The following SNTB1 variants were observed in gnomAD, a reference collection of about 807,000 sequenced individuals.
The protein encoded by SNTB1 is syntrophin beta 1.
A neutral mutation model predicts 48.9 loss-of-function variants in SNTB1; 36 were observed. The ratio of observed to expected loss-of-function variants is 0.74; its 90% CI spans 0.56 to 0.97. The LOEUF is 0.97. Ranked by LOEUF, SNTB1 falls within the 50% of genes least tolerant of loss-of-function variation. The pLI is 0.00. For missense variants in SNTB1, 786 were observed against 703.4 expected, an observed-to-expected ratio of 1.12 and a Z score of -1.33; for synonymous variants, 299 against 294.6, an observed-to-expected ratio of 1.01 and a Z score of -0.15.
chr8:120,730,807 C>T (rs1303269236), intron 1 of SNTB1, among the ~76,000 whole-genome samples: 3 of 152,058 alleles, frequency 2.0e-5, no homozygotes, highest in Admixed American at 6.6e-5. Context: ...TAGCACAGTG[C>T]CTGCCATGGG....
chr8:120,687,346 G>A (rs918849247), intron 2 of SNTB1, among the ~76,000 whole-genome samples: 9 of 152,184 alleles, frequency 5.9e-5, no homozygotes, highest in African/African-American at 1.9e-4. Context: ...CAAATCCACT[G>A]TTTCGTACTC....
At chr8:120,681,770 C>T (rs1266083095) in intron 2 of SNTB1, among the ~76,000 whole-genome samples, 1 of 152,264 alleles carries the variant, frequency 6.6e-6, no homozygotes, top group East Asian at 1.9e-4. Context: ...CAGTTGACAT[C>T]CCCCTCCCCA....
At chr8:120,807,647 G>C (rs1172389131) in intron 1 of SNTB1, among the ~76,000 whole-genome samples, 1 of 152,206 alleles carries the variant, frequency 6.6e-6, no homozygotes, top group Admixed American at 6.5e-5. Flanking sequence ...GACATTTAGT[G>C]CATTAGGTTT....
Position 120,605,935 on chromosome 8 carries a change from G to A in SNTB1, c.996+26509C>T, listed in dbSNP as rs140734635. ...AAAGGGGCCTGTTCTGGTGAGCCAT[G>A]ACCCTGCCAAGGTGGGAGGCTTGGC... On this transcript the variant is annotated intron_variant, in intron 3 of 6. Transcript: ENST00000517992. Among the ~76,000 whole-genome samples, 276 of 152,156 alleles carry A rather than the reference G, an allele frequency of 1.8e-3. 2 individuals are homozygous for A. The highest frequency in any genetic ancestry group is 6.4e-3 in the African/African-American group (265 of 41,502).
At chr8:120,756,839 T>C (rs982635459) in intron 1 of SNTB1, among the ~76,000 whole-genome samples, 4 of 152,074 alleles carry the variant, frequency 2.6e-5, no homozygotes, top group African/African-American at 9.7e-5. Context: ...AGTGCTGGGA[T>C]TGACATCTGA....
In SNTB1 at chr8:120,632,363, G is replaced by C. The variant is rs185734483; in HGVS notation, c.996+81C>G. Reference sequence around the variant, plus strand: ...CTGTGAATGAGAGAATCAGCCTATGGGATGAGATAGTTTTAGTGGTTATGA... The same window carrying C: ...CTGTGAATGAGAGAATCAGCCTATGCGATGAGATAGTTTTAGTGGTTATGA... On this transcript the variant is annotated intron_variant, in intron 3 of 6. Transcript: ENST00000517992. The C allele has an allele frequency of 1.2e-5, 15 of 1,263,364 alleles. No individual in the cohort carries two copies. The African/African-American group carries it at 1.3e-4, about 11-fold the overall frequency. The allele number at this position is 1,263,364 out of a possible 1,614,324, so 78.3% of individuals were successfully genotyped here. A position where few individuals can be genotyped will look rare whatever the true frequency, so the allele number is the denominator to read the frequency against.
At chr8:120,764,297 G>C (rs1235581869) in intron 1 of SNTB1, among the ~76,000 whole-genome samples, 1 of 152,160 alleles carries the variant, frequency 6.6e-6, no homozygotes, top group African/African-American at 2.4e-5. Flanking sequence ...GACTTGGAAA[G>C]ATATCCAAGA....
chr8:120,659,292 T>C (rs1143140), intron 2 of SNTB1, among the ~76,000 whole-genome samples: 35,972 of 152,180 alleles, frequency 0.24, 4,451 homozygotes, highest in Middle Eastern at 0.29. Context: ...AATCCTTTCT[T>C]GTCATGTCAC....
chr8:120,811,574 C>G lies in SNTB1; in HGVS notation c.270G>C (p.Gly90=), dbSNP rs1305657562. ...GGAQPPDSPA[G]VRTAFTDLPE... ...GCAGGTCGGTGAAAGCGGTGCGGAC[C>G]CCGGCGGGCGAGTCCGGGGGCTGCG... Residue 90 remains glycine, a synonymous_variant, in exon 1 of 7, where the codon GGG becomes GGC. Transcript: ENST00000517992. 1 of 1,565,784 alleles carries G rather than the reference C, an allele frequency of 6.4e-7. No individual in the cohort carries two copies. Among genetic ancestry groups the G allele is most frequent in the Non-Finnish European group, 8.7e-7 (1 of 1,155,792 alleles).
intron 4 of SNTB1, among the ~76,000 whole-genome samples, chr8:120,555,178 G>C (rs1277544516): frequency 6.6e-6 from 1 of 152,132 alleles, no homozygotes; most frequent in Non-Finnish European, 1.5e-5. Context: ...GTTGTCCCGC[G>C]CCAGGAAAAT....
At chr8:120,770,014 G>C (rs995641689) in intron 1 of SNTB1, among the ~76,000 whole-genome samples, 2 of 152,156 alleles carry the variant, frequency 1.3e-5, no homozygotes, top group African/African-American at 2.4e-5. Context: ...GCTACACGTA[G>C]TTCTTCTCTT....
chr8:120,559,849 C>T (rs1402992383), intron 4 of SNTB1, among the ~76,000 whole-genome samples: 1 of 151,962 alleles, frequency 6.6e-6, no homozygotes, highest in Non-Finnish European at 1.5e-5. Flanking sequence ...TATTAGGTAA[C>T]TGGGTTGCTA....
At chr8:120,590,294 C>T (rs1259255677) in intron 3 of SNTB1, among the ~76,000 whole-genome samples, 1 of 152,212 alleles carries the variant, frequency 6.6e-6, no homozygotes, top group Non-Finnish European at 1.5e-5. Context: ...ATGAATGATA[C>T]ATAGGTGGCC....
chr8:120,798,087 AC>A (rs1286128440), intron 1 of SNTB1, among the ~76,000 whole-genome samples: 1 of 152,060 alleles, frequency 6.6e-6, no homozygotes, highest in Non-Finnish European at 1.5e-5. Flanking sequence ...CTATATGGCA[AC>A]AAGATGCCCA....
intron 2 of SNTB1, among the ~76,000 whole-genome samples, chr8:120,643,173 G>C (rs984543128): frequency 1.3e-5 from 2 of 152,164 alleles, no homozygotes; most frequent in Admixed American, 6.5e-5. Context: ...GTGTCCTCCT[G>C]ACATGGCAGC....
intron 1 of SNTB1, among the ~76,000 whole-genome samples, chr8:120,697,655 T>C (rs1216564844): frequency 2.6e-5 from 4 of 152,116 alleles, no homozygotes; most frequent in Non-Finnish European, 5.9e-5. Flanking sequence ...TAAAATGCAA[T>C]GAGCAGGCAT....
At chr8:120,706,634 A>G (rs746664983) in intron 1 of SNTB1, among the ~76,000 whole-genome samples, 1 of 152,186 alleles carries the variant, frequency 6.6e-6, no homozygotes, top group Non-Finnish European at 1.5e-5. Flanking sequence ...GGCAGAAAGG[A>G]TGTCTGAATG....
At chr8:120,566,329 C>CA (rs71306894) in intron 4 of SNTB1, among the ~76,000 whole-genome samples, 31,263 of 75,786 alleles carry the variant, frequency 0.41, 7,012 homozygotes, top group East Asian at 0.53. Context: ...GACTCTGTCT[C>CA]AAAAAAAAAA....
At chr8:120,646,518 C>T (rs1817299952) in intron 2 of SNTB1, among the ~76,000 whole-genome samples, 1 of 150,456 alleles carries the variant, frequency 6.6e-6, no homozygotes, top group African/African-American at 2.4e-5. Flanking sequence ...ATGAAGCCCA[C>T]TTGATCATGG....
Sources: gnomAD v4.1 joint callset for allele counts (sites outside exome capture counted in the v4.1 genomes callset) on GRCh38, gnomAD v4.1.1 for gene constraint, MANE v1.5 for transcripts, NCBI Gene and HGNC (gene_info 2026-07-23, HGNC 2026-07-21) for gene names.